The following RUNX2 variants were observed in gnomAD, a reference collection of about 807,000 sequenced individuals.
The protein encoded by RUNX2 is runt-related transcription factor 2.
In RUNX2, 10 loss-of-function variants were observed where a neutral mutation model predicts 51.7. The ratio of observed to expected loss-of-function variants is 0.19; its 90% CI spans 0.12 to 0.33. The LOEUF (loss-of-function observed/expected upper bound fraction) is 0.33. Among genes scored for constraint, RUNX2 ranks in the 10% least tolerant of loss-of-function variants. The probability of loss-of-function intolerance (pLI) is 1.00; values close to 1 mark genes in which losing one functional copy is unlikely to be tolerated. For synonymous variants in RUNX2, 276 were observed against 273.6 expected (o/e 1.01, Z -0.09); for missense variants, 562 against 691.3 (o/e 0.81, Z 2.10).
chr6:45,419,461 C>A lies in RUNX2; in HGVS notation c.59-3132C>A, dbSNP rs1296720564. ...AAAAGGCAGGAAAAAAAAGCCATGA[C>A]TCTATGAGTGTGTATGTATTTATGT... is the stretch of plus-strand genomic sequence containing the variant. On this transcript the variant is annotated intron_variant, in intron 2 of 8. Coordinates refer to ENST00000647337, the MANE Select transcript of RUNX2 (RefSeq NM_001024630.4). Among the ~76,000 whole-genome samples, 5 of 151,952 alleles carry A rather than the reference C, an allele frequency of 3.3e-5. No homozygotes were observed. The East Asian group carries it at 9.6e-4, about 29-fold the overall frequency.
At chr6:45,400,376 C>A (rs759539374) in intron 2 of RUNX2, among the ~76,000 whole-genome samples, 10 of 152,184 alleles carry the variant, frequency 6.6e-5, no homozygotes, top group Non-Finnish European at 1.3e-4. Context: ...TCCTTCCTTT[C>A]CTGCCTTTTT....
intron 7 of RUNX2, among the ~76,000 whole-genome samples, chr6:45,531,897 A>T (rs927401423): frequency 2.6e-5 from 4 of 152,214 alleles, no homozygotes; most frequent in South Asian, 2.1e-4. Flanking sequence ...GATAATTCAG[A>T]TCAAACAATT....
chr6:45,481,270 C>A (rs960289195), intron 5 of RUNX2, among the ~76,000 whole-genome samples: 4 of 152,156 alleles, frequency 2.6e-5, no homozygotes, highest in African/African-American at 9.7e-5. Context: ...AAGAATAATG[C>A]CATCCATGTT....
intron 2 of RUNX2, among the ~76,000 whole-genome samples, chr6:45,410,254 T>G (rs538963732): frequency 6.6e-6 from 1 of 152,234 alleles, no homozygotes; most frequent in African/African-American, 2.4e-5. Flanking sequence ...GAGATGGGCA[T>G]GAATGGAGGC....
At chr6:45,350,165 A>C (rs1207357920) in intron 2 of RUNX2, among the ~76,000 whole-genome samples, 1 of 152,236 alleles carries the variant, frequency 6.6e-6, no homozygotes, top group East Asian at 1.9e-4. Context: ...ATACAATTAG[A>C]ATGTAGCCCT....
intron 5 of RUNX2, among the ~76,000 whole-genome samples, chr6:45,457,912 G>A (rs762445610): frequency 2.6e-4 from 39 of 152,082 alleles, no homozygotes; most frequent in Non-Finnish European, 5.1e-4. Flanking sequence ...CATTTGTCTG[G>A]TTAATATGAC....
intron 7 of RUNX2, 63 bp from the exon 8 acceptor site, chr6:45,545,154 A>G: frequency 7.5e-7 from 1 of 1,339,084 alleles, no homozygotes; most frequent in Non-Finnish European, 1.0e-6. Context: ...CTCTCTTGGA[A>G]TTCATAGTCA....
At chr6:45,437,765 T>C (rs1798726116) in intron 4 of RUNX2, among the ~76,000 whole-genome samples, 182 bp from the exon 5 acceptor site, 1 of 152,214 alleles carries the variant, frequency 6.6e-6, no homozygotes, top group South Asian at 2.1e-4. Flanking sequence ...TAAGCAAATT[T>C]GGAAATGTCC....
At chr6:45,363,655 C>A (rs1375442030) in intron 2 of RUNX2, among the ~76,000 whole-genome samples, 2 of 151,686 alleles carry the variant, frequency 1.3e-5, no homozygotes, top group African/African-American at 4.8e-5. Flanking sequence ...AATATAAAGC[C>A]ACTAAACTAT....
chr6:45,356,319 AACAC>A (rs758790477), intron 2 of RUNX2, among the ~76,000 whole-genome samples: 3 of 152,224 alleles, frequency 2.0e-5, no homozygotes, highest in Admixed American at 1.3e-4. Flanking sequence ...GTATATTAAA[AACAC>A]ACACACATAT....
In RUNX2 at chr6:45,527,651, T is replaced by C. The variant is rs75967645; in HGVS notation, c.1021+15244T>C. Among the ~76,000 whole-genome samples the C allele has an allele frequency of 2.3e-3, 350 of 152,302 alleles. 2 individuals carry two copies. The highest frequency in any genetic ancestry group is 5.4e-3 in the South Asian group (26 of 4,822). ...CCTAAGTGAAGTGGTAATTCAGGAGTTACTTGATTTATTAAACAAATACAG... is the reference window on the plus strand; with the variant it reads ...CCTAAGTGAAGTGGTAATTCAGGAGCTACTTGATTTATTAAACAAATACAG... On this transcript the variant is annotated intron_variant, in intron 7 of 8. Transcript: ENST00000647337.
At chr6:45,496,331 T>A (rs1313278123) in intron 6 of RUNX2, among the ~76,000 whole-genome samples, 3 of 152,146 alleles carry the variant, frequency 2.0e-5, no homozygotes, top group Non-Finnish European at 4.4e-5. Flanking sequence ...AAATACTTAA[T>A]GAGTGCGTAT....
intron 2 of RUNX2, among the ~76,000 whole-genome samples, chr6:45,398,812 A>G (rs1051032465): frequency 1.3e-5 from 2 of 152,196 alleles, no homozygotes; most frequent in Non-Finnish European, 2.9e-5. Context: ...AATTATCACA[A>G]CAATCTAAGA....
intron 8 of RUNX2, 142 bp from the exon 9 acceptor site, chr6:45,546,685 G>T: frequency 1.4e-6 from 1 of 712,046 alleles, no homozygotes; most frequent in Non-Finnish European, 2.4e-6. Context: ...AAAGTGACTG[G>T]TGCATTTGAA....
At chr6:45,531,417 T>C (rs562966765) in intron 7 of RUNX2, among the ~76,000 whole-genome samples, 1 of 152,278 alleles carries the variant, frequency 6.6e-6, no homozygotes. Flanking sequence ...TAAACATAAA[T>C]TTTATTCTAG....
intron 3 of RUNX2, among the ~76,000 whole-genome samples, chr6:45,428,855 T>TC (rs1190205434): frequency 0.035 from 5,324 of 150,046 alleles, 137 homozygotes; most frequent in Non-Finnish European, 0.053. Flanking sequence ...TTTTTTTTTT[T>TC]CGGAAATGTA....
At chr6:45,343,844 G>A (rs769732642) in intron 2 of RUNX2, among the ~76,000 whole-genome samples, 28 of 152,100 alleles carry the variant, frequency 1.8e-4, no homozygotes, top group Non-Finnish European at 3.5e-4. Context: ...TCACCTTCTA[G>A]GTGCTTAAAA....
intron 2 of RUNX2, among the ~76,000 whole-genome samples, chr6:45,395,961 A>G (rs1797572537): frequency 6.6e-6 from 1 of 152,260 alleles, no homozygotes; most frequent in Non-Finnish European, 1.5e-5. Flanking sequence ...TTACTGCACC[A>G]GCCTTAACCC....
At chr6:45,503,466 G>C (rs947200430) in intron 6 of RUNX2, among the ~76,000 whole-genome samples, 3 of 152,144 alleles carry the variant, frequency 2.0e-5, no homozygotes, top group Non-Finnish European at 4.4e-5. Context: ...GCCCATATCT[G>C]ATTTCCTGGA....
Sources: gnomAD v4.1 joint callset for allele counts (sites outside exome capture counted in the v4.1 genomes callset) on GRCh38, gnomAD v4.1.1 for gene constraint, MANE v1.5 for transcripts, NCBI Gene and HGNC (gene_info 2026-07-23, HGNC 2026-07-21) for gene names.